Variants in XRCC4 observed in about 807,000 individuals in gnomAD.
The protein encoded by XRCC4 is DNA repair protein XRCC4.
A neutral mutation model predicts 39.1 loss-of-function variants in XRCC4; 28 were observed. That is an observed-to-expected ratio of 0.72 (90% CI 0.53 to 0.98). XRCC4 has a LOEUF of 0.98. Among genes scored for constraint, XRCC4 ranks in the 50% least tolerant of loss-of-function variants. The probability of loss-of-function intolerance (pLI) is 0.00; values close to 1 mark genes in which losing one functional copy is unlikely to be tolerated. For missense variants in XRCC4, 350 were observed against 376.4 expected, an observed-to-expected ratio of 0.93 and a Z score of 0.58; for synonymous variants, 123 against 126.4, an observed-to-expected ratio of 0.97 and a Z score of 0.18.
chr5:83,131,823 A>T (rs1341266039), intron 3 of XRCC4, among the ~76,000 whole-genome samples: 2 of 151,274 alleles, frequency 1.3e-5, no homozygotes, highest in Non-Finnish European at 2.9e-5. Flanking sequence ...ATGGGTTGTG[A>T]CTCTTTCTCC....
intron 2 of XRCC4, among the ~76,000 whole-genome samples, chr5:83,105,476 C>G (rs903282621): frequency 6.6e-6 from 1 of 152,030 alleles, no homozygotes; most frequent in Non-Finnish European, 1.5e-5. Flanking sequence ...TTTATTTTCC[C>G]CAGTGAACAT....
chr5:83,115,430 A>AAAAC (rs145922134), intron 3 of XRCC4, among the ~76,000 whole-genome samples: 17,217 of 151,492 alleles, frequency 0.11, 1,740 homozygotes, highest in East Asian at 0.55. Context: ...TCTGTCTCAA[A>AAAAC]AAACAAACAA....
intron 1 of XRCC4, among the ~76,000 whole-genome samples, chr5:83,088,782 C>T (rs530530971): frequency 5.3e-5 from 8 of 152,214 alleles, no homozygotes; most frequent in African/African-American, 1.9e-4. Flanking sequence ...TTCCAACTTC[C>T]TTCTAATAAG....
chr5:83,129,256 T>G (rs1251332202), intron 3 of XRCC4, among the ~76,000 whole-genome samples: 1 of 143,388 alleles, frequency 7.0e-6, no homozygotes, highest in Non-Finnish European at 1.5e-5. Context: ...TGCTTGTTTT[T>G]CTCAGGTTTG....
chr5:83,145,629 CT>C (rs757979052), intron 3 of XRCC4, among the ~76,000 whole-genome samples: 94 of 152,322 alleles, frequency 6.2e-4, no homozygotes, highest in Admixed American at 3.7e-3. Context: ...CTTCTCTCCT[CT>C]GCTTCTTCCT....
Position 83,105,042 on chromosome 5 carries a change from A to G in XRCC4, c.123A>G (p.Ser41=). ...TTATTACACTTACTGATGGTCATTC[A>G]GCATGGACTGGGACAGGTAATACTA... is the stretch of plus-strand genomic sequence containing the variant. ...GFVITLTDGH[S]AWTGTVSESE... is the part of the protein sequence containing the mutation. Residue 41 remains serine (S), a synonymous_variant, in exon 2 of 8, where the codon TCA becomes TCG. Transcript: ENST00000396027. 6.2e-7 allele frequency: 1 copy of G among 1,612,848 alleles called. No homozygotes were observed.
intron 6 of XRCC4, among the ~76,000 whole-genome samples, chr5:83,225,968 C>T (rs997347794): frequency 6.6e-6 from 1 of 151,986 alleles, no homozygotes; most frequent in African/African-American, 2.4e-5. Context: ...TGGAGTCCTT[C>T]TGCAGATAGC....
chr5:83,289,826 T>TAA (rs1473568963), intron 7 of XRCC4, among the ~76,000 whole-genome samples: 6 of 151,814 alleles, frequency 4.0e-5, no homozygotes, highest in African/African-American at 1.4e-4. Flanking sequence ...AGGCCTTTGT[T>TAA]ATGGAGAAAG....
intron 3 of XRCC4, among the ~76,000 whole-genome samples, chr5:83,146,930 C>G (rs541481964): frequency 6.6e-6 from 1 of 152,210 alleles, no homozygotes; most frequent in African/African-American, 2.4e-5. Flanking sequence ...TGTAAGAAAA[C>G]AAAGTATCAA....
At chr5:83,215,598 G>C (rs928145553) in intron 6 of XRCC4, among the ~76,000 whole-genome samples, 1 of 152,120 alleles carries the variant, frequency 6.6e-6, no homozygotes, top group African/African-American at 2.4e-5. Flanking sequence ...TTATTATAAA[G>C]ATAGTCATTA....
At chr5:83,247,984 C>G (rs1753170653) in intron 6 of XRCC4, among the ~76,000 whole-genome samples, 1 of 152,114 alleles carries the variant, frequency 6.6e-6, no homozygotes, top group South Asian at 2.1e-4. Context: ...GAGAAAGGTG[C>G]TAAGCTGTGT....
At chr5:83,299,139 T>G (rs1363492060) in intron 7 of XRCC4, among the ~76,000 whole-genome samples, 1 of 152,116 alleles carries the variant, frequency 6.6e-6, no homozygotes, top group Non-Finnish European at 1.5e-5. Flanking sequence ...TTCCCAATCT[T>G]AGTGAACTGA....
At chr5:83,093,776 C>T (rs184070535) in intron 1 of XRCC4, among the ~76,000 whole-genome samples, 4 of 152,110 alleles carry the variant, frequency 2.6e-5, no homozygotes, top group South Asian at 2.1e-4. Context: ...AATGAAAACA[C>T]GGTATGCCAA....
Position 83,177,147 on chromosome 5 carries a change from GT to G in XRCC4, c.316-18617del, listed in dbSNP as rs1165927547. ...AAAGGACTTAAATGCTAAATATGCTGTTTTTTCTACATTACCTATAAATTGA... is the reference window on the plus strand; with the variant it reads ...AAAGGACTTAAATGCTAAATATGCTGTTTTTCTACATTACCTATAAATTGA... On this transcript the variant is annotated intron_variant, in intron 3 of 7. Transcript: ENST00000396027. Among the ~76,000 whole-genome samples, 5 of 152,184 alleles carry G rather than the reference GT, an allele frequency of 3.3e-5. No individual in the cohort carries two copies. In the South Asian group the frequency reaches 1.0e-3, roughly 32 times the overall value.
intron 5 of XRCC4, 136 bp from the exon 6 acceptor site, chr5:83,204,679 A>G (rs1751346936): frequency 5.4e-6 from 3 of 554,698 alleles, no homozygotes; most frequent in African/African-American, 3.7e-5. Context: ...TTTCATCTAA[A>G]TCATATATAT....
At chr5:83,110,720 C>T (rs1242154030) in intron 2 of XRCC4, among the ~76,000 whole-genome samples, 2 of 151,956 alleles carry the variant, frequency 1.3e-5, no homozygotes. Flanking sequence ...CTGGCTTTGA[C>T]CTAAGAGCAG....
chr5:83,172,547 A>G (rs1173445320), intron 3 of XRCC4, among the ~76,000 whole-genome samples: 1 of 152,128 alleles, frequency 6.6e-6, no homozygotes, highest in African/African-American at 2.4e-5. Context: ...CTGTGTATTT[A>G]CTTTGTTCTG....
At chr5:83,266,204 G>A (rs535754969) in intron 7 of XRCC4, among the ~76,000 whole-genome samples, 80 of 151,066 alleles carry the variant, frequency 5.3e-4, no homozygotes, top group Non-Finnish European at 8.7e-4. Context: ...ATGACTCCCC[G>A]CTCATAATTT....
intron 7 of XRCC4, among the ~76,000 whole-genome samples, chr5:83,351,558 A>G (rs9293336): frequency 0.26 from 39,118 of 152,088 alleles, 7,289 homozygotes; most frequent in East Asian, 0.71. Context: ...ATCCCATACT[A>G]TATCATTTTC....
Sources: allele counts gnomAD v4.1 joint callset (sites outside exome capture counted in the v4.1 genomes callset), GRCh38; gene constraint gnomAD v4.1.1; transcripts MANE v1.5; gene names NCBI Gene and HGNC (gene_info 2026-07-23, HGNC 2026-07-21).